The following DNAH10 variants were observed in gnomAD, a reference collection of about 807,000 sequenced individuals.
DNAH10 encodes axonemal beta dynein heavy chain 10.
In DNAH10, 348 loss-of-function variants were observed where a neutral mutation model predicts 506.6. The ratio of observed to expected loss-of-function variants is 0.69; its 90% CI spans 0.63 to 0.75. DNAH10 has a LOEUF of 0.75. DNAH10 is among the 30% of genes least tolerant of loss of function. The pLI is 0.00. For missense variants in DNAH10, 5,179 were observed against 5,787.1 expected (o/e 0.89, Z 3.41); for synonymous variants, 2,059 against 2,198.6 (o/e 0.94, Z 1.78).
chr12:123,934,498 C>G (rs1403653105), intron 77 of DNAH10, 123 bp from the exon 78 acceptor site: 9 of 1,232,772 alleles, frequency 7.3e-6, no homozygotes, highest in Non-Finnish European at 1.2e-6. Context: ...TGGGCTGTCC[C>G]CAATGCGCTG....
Position 123,926,216 on chromosome 12 carries a change from G to A in DNAH10, c.11922-421G>A, listed in dbSNP as rs540788569. ...ACTGTACTCCAGCCTGGGCAACAGA[G>A]TGAGATTATATATTTCAATTTAAAA... On this transcript the variant is annotated intron_variant, in intron 68 of 78. Coordinates refer to ENST00000673944, the MANE Select transcript of DNAH10 (RefSeq NM_001372106.1). This position sits in a 1 kb window ranked among gnomAD's most constrained non-coding sequence, Gnocchi z 4.1. The A allele has an allele frequency of 2.2e-4, 33 of 149,572 alleles. No individual in the cohort carries two copies. Among genetic ancestry groups the A allele is most frequent in the Non-Finnish European group, 4.6e-4 (32 of 69,170 alleles). The allele number at this position is 149,572 out of a possible 1,614,324, so 9.3% of individuals were successfully genotyped here. A position where few individuals can be genotyped will look rare whatever the true frequency, so the allele number is the denominator to read the frequency against.
intron 26 of DNAH10, among the ~76,000 whole-genome samples, chr12:123,832,012 A>C (rs893912241): frequency 1.3e-5 from 2 of 152,196 alleles, no homozygotes; most frequent in Admixed American, 6.5e-5. Flanking sequence ...TATGCAGTAC[A>C]TGACTGTACA....
In DNAH10 at chr12:123,819,233, G is replaced by C; in HGVS notation, c.3983G>C (p.Gly1328Ala). The change falls in exon 23 of 79, where the codon GGT becomes GCT. Residue 1328 changes from glycine to alanine, a missense_variant. By Grantham distance (60) the Gly-to-Ala change is moderately conservative. This residue lies in a region of DNAH10 where 4,844 missense variants were observed against 5,430.5 expected (regional missense o/e 0.89). Coordinates refer to ENST00000673944, the MANE Select transcript of DNAH10 (RefSeq NM_001372106.1). ...RFYSEGPGSVGDDLDKGVELL... is the reference protein window; with the variant it reads ...RFYSEGPGSVADDLDKGVELL... ...TACAGTGAAGGCCCTGGTTCTGTTG[G>C]TGATGATCTTGATAAAGGTAAGAAT... 1 of 1,612,674 alleles carries C rather than the reference G, an allele frequency of 6.2e-7. No homozygotes were observed. The highest frequency in any genetic ancestry group is 1.1e-5 in the South Asian group (1 of 90,594).
Position 123,909,296 on chromosome 12 carries a change from T to C in DNAH10, c.9851T>C (p.Val3284Ala), listed in dbSNP as rs758190867. ...FAKPPKQVQT[V>A]CECILIMKGY... ...AAGCCCCCGAAGCAGGTGCAGACGGTCTGCGAATGCATCCTCATCATGAAA... is the reference window on the plus strand; with the variant it reads ...AAGCCCCCGAAGCAGGTGCAGACGGCCTGCGAATGCATCCTCATCATGAAA... Residue 3284 changes from valine to alanine, a missense_variant, in exon 58 of 79, where the codon GTC becomes GCC. Physicochemically the swap from Val to Ala is moderately conservative, Grantham distance 64. Transcript: ENST00000673944. The surrounding 1 kb of genome is among the most constrained non-coding windows in gnomAD (Gnocchi z 5.4). The C allele has an allele frequency of 1.2e-6, 2 of 1,613,562 alleles. No individual in the cohort carries two copies. Among genetic ancestry groups the C allele is most frequent in the East Asian group, 4.5e-5 (2 of 44,878 alleles).
At position 123,925,155 on chromosome 12, in the gene DNAH10, C is replaced by T. The variant is rs1954886969; in HGVS notation, c.11872C>T (p.Arg3958Trp). 8 of 1,613,762 alleles carry T rather than the reference C, an allele frequency of 5.0e-6. No homozygotes were observed. The highest frequency in any genetic ancestry group is 1.6e-4 in the Middle Eastern group (1 of 6,084). The change falls in exon 68 of 79, where the codon CGG becomes TGG. Residue 3958 changes from arginine to tryptophan, a missense_variant. By Grantham distance (101) the Arg-to-Trp change is moderately radical. Transcript: ENST00000673944. The surrounding 1 kb of genome is among the most constrained non-coding windows in gnomAD (Gnocchi z 4.0). ...TATTTTGCGCTGTTTCCGTGTGGATCGGGTCTATCGGGCCGTGACTGACTA... is the reference window on the plus strand; with the variant it reads ...TATTTTGCGCTGTTTCCGTGTGGATTGGGTCTATCGGGCCGTGACTGACTA... ...LLILRCFRVD[R>W]VYRAVTDYVT...
rs1415713126 is a variant in DNAH10, at chr12:123,928,625, A to G, written c.12306+38A>G. 1 of 1,554,130 alleles carries G rather than the reference A, an allele frequency of 6.4e-7. No individual in the cohort carries two copies. The highest frequency in any genetic ancestry group is 8.7e-7 in the Non-Finnish European group (1 of 1,149,030). On this transcript the variant is annotated intron_variant, in intron 70 of 78. Transcript: ENST00000673944. This position sits in a 1 kb window ranked among gnomAD's most constrained non-coding sequence, Gnocchi z 4.9. ...GATGGACATCAACATGCCAGCACGC[A>G]GCTTCTCAGAACACCTGCATGCTGC...
chr12:123,776,878 T>A (rs1422157467), intron 5 of DNAH10, among the ~76,000 whole-genome samples: 1 of 151,964 alleles, frequency 6.6e-6, no homozygotes, highest in African/African-American at 2.4e-5. Flanking sequence ...GACAGGAAGA[T>A]GTACATTAAC....
rs1376732974 is a variant in DNAH10 at position 123,850,986 on chromosome 12, G to A, written c.6201G>A (p.Lys2067=). 3 of 1,614,140 alleles carry A rather than the reference G, an allele frequency of 1.9e-6. No homozygotes were observed. Among genetic ancestry groups the A allele is most frequent in the Non-Finnish European group, 2.5e-6 (3 of 1,179,972 alleles). ...GCACGGAGCTGCCCGAGTCGGTGAA[G>A]GCGCTGTTCAGGCCTGTGGTCGTGA... ...AGRTELPESV[K]ALFRPVVVIV... is the part of the protein sequence containing the mutation. Residue 2067 remains lysine (K), a synonymous_variant, in exon 35 of 79, where the codon AAG becomes AAA. Transcript: ENST00000673944. The surrounding 1 kb of genome is among the most constrained non-coding windows in gnomAD (Gnocchi z 5.5).
chr12:123,835,807 T>C, intron 28 of DNAH10, among the ~76,000 whole-genome samples: 1 of 152,136 alleles, frequency 6.6e-6, no homozygotes, highest in East Asian at 1.9e-4. Flanking sequence ...ACATTTTTTA[T>C]AGGGATAGGA....
At chr12:123,781,050 A>G (rs2136018183) in intron 5 of DNAH10, 30 bp from the exon 6 acceptor site, 1 of 1,543,296 alleles carries the variant, frequency 6.5e-7, no homozygotes, top group Non-Finnish European at 8.8e-7. Context: ...ATGACTTCAT[A>G]TGATGTATTT....
intron 53 of DNAH10, 124 bp downstream of exon 53, chr12:123,893,560 A>C: frequency 2.8e-6 from 3 of 1,083,826 alleles, no homozygotes; most frequent in Non-Finnish European, 4.0e-6. Context: ...TTAGGTGGAA[A>C]TGTGGGCTCT....
At chr12:123,824,552 G>T (rs544483727) in intron 24 of DNAH10, among the ~76,000 whole-genome samples, 1 of 152,282 alleles carries the variant, frequency 6.6e-6, no homozygotes, top group South Asian at 2.1e-4. Flanking sequence ...TACAGACCAG[G>T]AGGCTGAAAA....
rs754875926 is a variant in DNAH10, at chr12:123,929,378, C to T, written c.12410C>T (p.Pro4137Leu). ...CAGTGCCCGCACCCTGCCTTCAAGC[C>T]GCTGGTCTACGTGCTGGCGTTCTTT... Reference protein sequence around the residue: ...LDQCPHPAFKPLVYVLAFFHA... With the variant: ...LDQCPHPAFKLLVYVLAFFHA... The change falls in exon 71 of 79, where the codon CCG becomes CTG. Residue 4137 changes from proline (P) to leucine (L), a missense_variant. Physicochemically the swap from Pro to Leu is moderately conservative, Grantham distance 98 (BLOSUM62 -3). Around this residue, in one of 3 missense-constraint regions of DNAH10, gnomAD observed 4,844 missense variants for 5,430.5 expected, o/e 0.89. Coordinates refer to ENST00000673944, the MANE Select transcript of DNAH10 (RefSeq NM_001372106.1). 27 of 1,612,520 alleles carry T rather than the reference C, an allele frequency of 1.7e-5. No homozygotes were observed. The highest frequency in any genetic ancestry group is 2.2e-5 in the East Asian group (1 of 44,876).
chr12:123,770,973 TC>T (rs1203278811), intron 2 of DNAH10, among the ~76,000 whole-genome samples: 2 of 91,578 alleles, frequency 2.2e-5, no homozygotes, highest in African/African-American at 1.0e-4. Flanking sequence ...TAGCTGTAAT[TC>T]TTTTTTTTTT....
chr12:123,782,894 T>A, intron 6 of DNAH10, among the ~76,000 whole-genome samples: 1 of 152,230 alleles, frequency 6.6e-6, no homozygotes, highest in Admixed American at 6.5e-5. Context: ...TAAATCATTT[T>A]GATCAAGCTT....
intron 17 of DNAH10, among the ~76,000 whole-genome samples, chr12:123,804,376 T>C (rs1958580897): frequency 6.6e-6 from 1 of 151,902 alleles, no homozygotes; most frequent in Admixed American, 6.6e-5. Flanking sequence ...ATACAAAAAA[T>C]TAGCTGGGCG....
At chr12:123,776,660 A>G (rs1468477397) in intron 5 of DNAH10, among the ~76,000 whole-genome samples, 2 of 152,066 alleles carry the variant, frequency 1.3e-5, no homozygotes, top group African/African-American at 4.8e-5. Flanking sequence ...AGAAAAATAA[A>G]TTAAGATAAC....
At chr12:123,882,789 CAAAAAAA>C (rs59295124) in intron 51 of DNAH10, among the ~76,000 whole-genome samples, 4 of 62,252 alleles carry the variant, frequency 6.4e-5, no homozygotes, top group African/African-American at 1.4e-4. Context: ...AAGACTCTGT[CAAAAAAA>C]AAAAAAAAAA....
intron 52 of DNAH10, 100 bp downstream of exon 52, chr12:123,887,413 C>A: frequency 7.3e-7 from 1 of 1,375,444 alleles, no homozygotes; most frequent in Non-Finnish European, 9.7e-7. Flanking sequence ...CTGTGGGTAG[C>A]CCTGTGCGGG....
Sources: allele counts gnomAD v4.1 joint callset (sites outside exome capture counted in the v4.1 genomes callset), GRCh38; gene constraint gnomAD v4.1.1; regional missense constraint gnomAD v4.1.1; non-coding constraint Gnocchi (gnomAD v3.1); transcripts MANE v1.5; gene names NCBI Gene and HGNC (gene_info 2026-07-23, HGNC 2026-07-21).